ROR1: variants seen among roughly 807,000 people sequenced by gnomAD.
ROR1 encodes the protein inactive tyrosine-protein kinase transmembrane receptor ROR1.
In ROR1, 19 loss-of-function variants were observed where a neutral mutation model predicts 78.8. The observed-to-expected ratio is 0.24, with a 90% confidence interval of 0.17 to 0.35. ROR1 has a LOEUF of 0.35. ROR1 is among the 10% of genes least tolerant of loss of function. The probability of loss-of-function intolerance (pLI) is 1.00; values close to 1 mark genes in which losing one functional copy is unlikely to be tolerated. For synonymous variants in ROR1, 386 were observed against 433.6 expected, an observed-to-expected ratio of 0.89 and a Z score of 1.36; for missense variants, 917 against 1,177.8, an observed-to-expected ratio of 0.78 and a Z score of 3.24.
rs537724838 is a variant in ROR1 at position 63,785,161 on chromosome 1, T to C, written c.91+10653T>C. Among the ~76,000 whole-genome samples, 5 of 152,352 alleles carry C rather than the reference T, an allele frequency of 3.3e-5. No individual in the cohort carries two copies. The South Asian group carries it at 1.0e-3, about 32-fold the overall frequency. On this transcript the variant is annotated intron_variant, in intron 1 of 8. Coordinates refer to ENST00000371079, the MANE Select transcript of ROR1 (RefSeq NM_005012.4). ...AGACAATGTACATGAAAGCAACTTATTCTACTTTTTCTCCATAAGAGAGAT... is the reference window on the plus strand; with the variant it reads ...AGACAATGTACATGAAAGCAACTTACTCTACTTTTTCTCCATAAGAGAGAT...
At chr1:64,111,453 A>G (rs983118974) in intron 4 of ROR1, 1 of 152,220 alleles carries the variant, frequency 6.6e-6, no homozygotes, top group Admixed American at 6.5e-5. Flanking sequence ...TCGGGTTCCT[A>G]GTCCCATAAT....
chr1:64,002,480 T>C (rs1258024633), intron 1 of ROR1, among the ~76,000 whole-genome samples: 1 of 152,198 alleles, frequency 6.6e-6, no homozygotes, highest in Non-Finnish European at 1.5e-5. Flanking sequence ...TACATATGCA[T>C]ATATAATGAA....
Position 64,178,138 on chromosome 1 carries a change from G to C in ROR1, c.2097G>C (p.Gln699His). Residue 699 changes from glutamine (Q) to histidine (H), a missense_variant, in exon 9 of 9, where the codon CAG becomes CAC. By Grantham distance (24) the Gln-to-His change is conservative. This residue lies in a region of ROR1 where 835 missense variants were observed against 1,069.8 expected (regional missense o/e 0.78). Transcript: ENST00000371079. The surrounding 1 kb of genome is among the most constrained non-coding windows in gnomAD (Gnocchi z 4.3). The stretch of plus-strand genomic sequence containing the variant: ...AGCCATATTATGGATTCAGTAACCA[G>C]GAAGTGATTGAGATGGTGAGAAAAC... ...GLQPYYGFSN[Q>H]EVIEMVRKRQ... The C allele has an allele frequency of 6.2e-7, 1 of 1,614,160 alleles. No individual in the cohort carries two copies. Among genetic ancestry groups the C allele is most frequent in the East Asian group, 2.2e-5 (1 of 44,872 alleles).
At chr1:63,959,558 T>C (rs1031264192) in intron 1 of ROR1, among the ~76,000 whole-genome samples, 2 of 152,218 alleles carry the variant, frequency 1.3e-5, no homozygotes, top group Non-Finnish European at 2.9e-5. Context: ...GCCTCCTGAA[T>C]GATCAGGGAA....
Position 64,046,398 on chromosome 1 carries a change from C to T in ROR1, c.164-3293C>T, listed in dbSNP as rs78568046. ...AAATTCCCTGTTTGTGGCAAGGCTC[C>T]TTTGTTCAGTAAACACAAAGATCTA... On this transcript the variant is annotated intron_variant, in intron 2 of 8. Coordinates refer to ENST00000371079, the MANE Select transcript of ROR1 (RefSeq NM_005012.4). Among the ~76,000 whole-genome samples the T allele has an allele frequency of 3.8e-3, 585 of 152,294 alleles. 7 individuals carry two copies. The highest frequency in any genetic ancestry group is 0.013 in the African/African-American group (556 of 41,556).
At chr1:63,855,066 G>T (rs1304614496) in intron 1 of ROR1, among the ~76,000 whole-genome samples, 1 of 151,990 alleles carries the variant, frequency 6.6e-6, no homozygotes, top group Non-Finnish European at 1.5e-5. Context: ...GGAACCTGGG[G>T]ATATGGAGGG....
chr1:63,868,864 CATTTT>C (rs1486358390), intron 1 of ROR1, among the ~76,000 whole-genome samples: 2 of 152,288 alleles, frequency 1.3e-5, no homozygotes, highest in East Asian at 1.9e-4. Flanking sequence ...GGTTTTTACA[CATTTT>C]GTTTTGTTTT....
At chr1:64,064,398 A>C (rs1193281996) in intron 4 of ROR1, among the ~76,000 whole-genome samples, 1 of 152,224 alleles carries the variant, frequency 6.6e-6, no homozygotes, top group Non-Finnish European at 1.5e-5. Flanking sequence ...TCACACTTTC[A>C]AATGCCAGCC....
At chr1:64,122,068 G>A (rs1459109149) in intron 4 of ROR1, among the ~76,000 whole-genome samples, 1 of 152,138 alleles carries the variant, frequency 6.6e-6, no homozygotes, top group Admixed American at 6.5e-5. Flanking sequence ...GCCTCACTTA[G>A]CCTGCATTTA....
chr1:64,070,828 A>G (rs1442408440), intron 4 of ROR1, among the ~76,000 whole-genome samples: 2 of 152,208 alleles, frequency 1.3e-5, no homozygotes. Context: ...ATAAACATGG[A>G]GACCAATAAA....
rs149486134 is a variant in ROR1 at position 63,869,879 on chromosome 1, C to T, written c.91+95371C>T. ...AGAGACAGAGGTAAGTAAGTAACCT[C>T]ACATAAGTATCCTAACTCTTATTTT... is the stretch of plus-strand genomic sequence containing the variant. On this transcript the variant is annotated intron_variant, in intron 1 of 8. Transcript: ENST00000371079. 3.7e-3 allele frequency among the ~76,000 whole-genome samples: 564 copies of T among 152,326 alleles called. 3 individuals carry two copies. The highest frequency in any genetic ancestry group is 0.013 in the African/African-American group (542 of 41,582).
At position 64,096,908 on chromosome 1, in the gene ROR1, G is replaced by GT. The variant is rs35198323; in HGVS notation, c.483-40448dup. Among the ~76,000 whole-genome samples the GT allele has an allele frequency of 6.5e-3, 956 of 147,062 alleles. 7 individuals are homozygous for GT. Among genetic ancestry groups the GT allele is most frequent in the African/African-American group, 0.021 (849 of 40,484 alleles). On this transcript the variant is annotated intron_variant, in intron 4 of 8. Transcript: ENST00000371079. The stretch of plus-strand genomic sequence containing the variant: ...TTTCTCCACAACCTCACCAGCATCT[G>GT]TTTTTTTTTTTTTAATAATAGCCAT...
chr1:64,080,344 C>T (rs1006061608), intron 4 of ROR1, among the ~76,000 whole-genome samples: 4 of 152,164 alleles, frequency 2.6e-5, no homozygotes, highest in African/African-American at 9.7e-5. Flanking sequence ...GCGCACAGGA[C>T]AGCCGCTCTC....
intron 4 of ROR1, among the ~76,000 whole-genome samples, chr1:64,123,603 A>C (rs566244796): frequency 6.6e-6 from 1 of 152,350 alleles, no homozygotes; most frequent in South Asian, 2.1e-4. Context: ...CAAACAGTTC[A>C]TGTAATAACT....
At chr1:63,930,847 A>G (rs1645745541) in intron 1 of ROR1, among the ~76,000 whole-genome samples, 1 of 152,214 alleles carries the variant, frequency 6.6e-6, no homozygotes, top group Non-Finnish European at 1.5e-5. Flanking sequence ...TGTACTTGAA[A>G]TGTTAATAAC....
At chr1:63,827,974 T>C (rs1276813797) in intron 1 of ROR1, among the ~76,000 whole-genome samples, 1 of 152,260 alleles carries the variant, frequency 6.6e-6, no homozygotes, top group Non-Finnish European at 1.5e-5. Context: ...CTGTATTATT[T>C]TGCAAGTTAA....
At chr1:63,871,768 C>A (rs1210213916) in intron 1 of ROR1, among the ~76,000 whole-genome samples, 1 of 152,242 alleles carries the variant, frequency 6.6e-6, no homozygotes, top group Non-Finnish European at 1.5e-5. Context: ...ATGCTTATCC[C>A]TACTGGAGAC....
chr1:63,888,316 C>G (rs554399854), intron 1 of ROR1, among the ~76,000 whole-genome samples: 1 of 152,096 alleles, frequency 6.6e-6, no homozygotes, highest in Non-Finnish European at 1.5e-5. Flanking sequence ...AAAAGTCTGT[C>G]GTTAAGACTG....
At chr1:63,837,646 C>T (rs185590808) in intron 1 of ROR1, among the ~76,000 whole-genome samples, 9 of 152,208 alleles carry the variant, frequency 5.9e-5, no homozygotes, top group Middle Eastern at 3.4e-3. Flanking sequence ...CATAGTGAGA[C>T]GTTGTTTCTA....
Sources: gnomAD v4.1 joint callset for allele counts (sites outside exome capture counted in the v4.1 genomes callset) on GRCh38, gnomAD v4.1.1 for gene constraint, gnomAD v4.1.1 regional missense constraint, Gnocchi (gnomAD v3.1) non-coding constraint, MANE v1.5 for transcripts, NCBI Gene and HGNC (gene_info 2026-07-23, HGNC 2026-07-21) for gene names.